DOCK2: variants seen among roughly 807,000 people sequenced by gnomAD.
DOCK2 encodes the protein dedicator of cytokinesis protein 2.
Under a neutral mutation model 248.9 loss-of-function variants are expected in DOCK2, and 87 were observed. The observed-to-expected ratio is 0.35, with a 90% CI of 0.29 to 0.42. DOCK2 has a LOEUF of 0.42. Ranked by LOEUF, DOCK2 falls within the 10% of genes least tolerant of loss-of-function variation. DOCK2 has a pLI of 1.00. For synonymous variants in DOCK2, 805 were observed against 821.6 expected, an observed-to-expected ratio of 0.98 and a Z score of 0.35; for missense variants, 1,747 against 2,300.2, an observed-to-expected ratio of 0.76 and a Z score of 4.92.
At chr5:169,813,085 G>A (rs147755520) in intron 26 of DOCK2, among the ~76,000 whole-genome samples, 1 of 152,362 alleles carries the variant, frequency 6.6e-6, no homozygotes, top group East Asian at 1.9e-4. Context: ...GGGAATTCCA[G>A]AACTTCAGGG....
intron 27 of DOCK2, among the ~76,000 whole-genome samples, chr5:169,955,212 G>A (rs1195544927): frequency 2.0e-5 from 3 of 152,204 alleles, no homozygotes; most frequent in African/African-American, 7.2e-5. Flanking sequence ...GGTTCAGAGT[G>A]GTCCTGCAGG....
chr5:170,034,455 T>C lies in DOCK2; in HGVS notation c.3524T>C (p.Val1175Ala). ...ATTGCCAAGTCGGTGGAGAACTTCG[T>C]GAACCTGGTCAAAGGCCTCCTGGAG... is the stretch of plus-strand genomic sequence containing the variant. The part of the protein sequence containing the change: ...PTIAKSVENF[V>A]NLVKGLLEKL... Residue 1175 changes from valine (V) to alanine (A), a missense_variant, in exon 35 of 52, where the codon GTG (valine) becomes GCG (alanine). By Grantham distance (64) the Val-to-Ala change is moderately conservative. Coordinates refer to ENST00000520908, the MANE Select transcript of DOCK2 (RefSeq NM_004946.3). The C allele has an allele frequency of 6.2e-7, 1 of 1,614,138 alleles. No homozygotes were observed. Among genetic ancestry groups the C allele is most frequent in the Non-Finnish European group, 8.5e-7 (1 of 1,180,016 alleles).
chr5:170,024,331 A>T lies in DOCK2; in HGVS notation c.3382-3532A>T, dbSNP rs1180394732. ...TGGGGGTAAGGACTGTTGCAGCATC[A>T]TGATGGAGTGTATGTTTGGGAGAGC... On this transcript the variant is annotated intron_variant, in intron 33 of 51. Transcript: ENST00000520908. Among the ~76,000 whole-genome samples the T allele has an allele frequency of 2.7e-5, 4 of 147,228 alleles. No homozygotes were observed. The East Asian group carries it at 8.3e-4, about 30-fold the overall frequency.
intron 27 of DOCK2, among the ~76,000 whole-genome samples, chr5:169,958,093 T>C (rs1465004217): frequency 6.6e-6 from 1 of 152,004 alleles, no homozygotes; most frequent in Non-Finnish European, 1.5e-5. Context: ...CAAACATGAG[T>C]GCAAGTGTGA....
chr5:170,063,586 T>C (rs1191187855), intron 44 of DOCK2, among the ~76,000 whole-genome samples: 1 of 152,074 alleles, frequency 6.6e-6, no homozygotes, highest in Non-Finnish European at 1.5e-5. Context: ...GAGCCAGAGG[T>C]TGGCACTTCA....
Position 170,077,755 on chromosome 5 carries a change from C to A in DOCK2, c.4912C>A (p.Arg1638Ser). 3.1e-6 allele frequency: 5 copies of A among 1,613,928 alleles called. No individual in the cohort carries two copies. The highest frequency in any genetic ancestry group is 4.2e-6 in the Non-Finnish European group (5 of 1,179,976). Residue 1638 changes from arginine (R) to serine (S), a missense_variant, in exon 48 of 52, where the codon CGC (arginine) becomes AGC (serine). By Grantham distance (110) the Arg-to-Ser change is moderately radical. Coordinates refer to ENST00000520908, the MANE Select transcript of DOCK2 (RefSeq NM_004946.3). ...RRVGRPRSMLRSYRQMSIISL... is the reference protein window; with the variant it reads ...RRVGRPRSMLSSYRQMSIISL... ...AGTGGGCCGTCCCAGGTCTATGCTG[C>A]GCTCATACAGACAGATGTCCATCAT...
chr5:169,695,242 C>A, intron 9 of DOCK2: 1 of 152,924 alleles, frequency 6.5e-6, no homozygotes. Flanking sequence ...CCCCACCCCT[C>A]TGCATTGGCC....
chr5:170,066,076 C>T (rs1390349514), intron 44 of DOCK2, among the ~76,000 whole-genome samples: 5 of 151,608 alleles, frequency 3.3e-5, no homozygotes, highest in South Asian at 2.1e-4. Flanking sequence ...CTCAGCCTCC[C>T]GAGTAACTGG....
At chr5:170,055,200 T>C in intron 41 of DOCK2, 105 bp from the exon 42 acceptor site, 1 of 1,044,944 alleles carries the variant, frequency 9.6e-7, no homozygotes, top group Non-Finnish European at 1.5e-6. Context: ...TCAGTAAAAA[T>C]GTGGCCCCAT....
intron 27 of DOCK2, among the ~76,000 whole-genome samples, chr5:169,943,049 T>G (rs1776302624): frequency 6.6e-6 from 1 of 152,228 alleles, no homozygotes; most frequent in Non-Finnish European, 1.5e-5. Context: ...TGTGTTGGGC[T>G]GGGCTGGAGG....
intron 26 of DOCK2, among the ~76,000 whole-genome samples, chr5:169,812,542 C>T (rs1399222104): frequency 3.9e-5 from 6 of 152,182 alleles, no homozygotes; most frequent in Non-Finnish European, 7.4e-5. Context: ...AAATTGTCTT[C>T]CATGAAACTG....
intron 30 of DOCK2, among the ~76,000 whole-genome samples, chr5:170,004,755 A>C (rs1384362519): frequency 1.4e-5 from 2 of 147,978 alleles, no homozygotes; most frequent in Non-Finnish European, 3.0e-5. Flanking sequence ...TGATGAGTTC[A>C]TGTCCTTTGT....
At chr5:170,036,388 T>C in intron 35 of DOCK2, 127 bp from the exon 36 acceptor site, 2 of 941,078 alleles carry the variant, frequency 2.1e-6, no homozygotes, top group Non-Finnish European at 3.2e-6. Flanking sequence ...AAAATAAGTT[T>C]CTTATTCCTA....
intron 27 of DOCK2, 150 bp from the exon 28 acceptor site, chr5:169,982,918 T>C: frequency 1.5e-6 from 1 of 686,086 alleles, no homozygotes; most frequent in South Asian, 1.8e-5. Context: ...GTTATGTTTA[T>C]GTTCGGCACT....
intron 26 of DOCK2, among the ~76,000 whole-genome samples, chr5:169,809,037 G>A (rs899758801): frequency 3.9e-5 from 6 of 151,976 alleles, no homozygotes; most frequent in Non-Finnish European, 8.8e-5. Flanking sequence ...TGTTGCCCAG[G>A]CTGGAGTGCA....
chr5:169,846,233 GATT>G (rs1770294446), intron 27 of DOCK2, among the ~76,000 whole-genome samples: 1 of 152,126 alleles, frequency 6.6e-6, no homozygotes, highest in South Asian at 2.1e-4. Context: ...TCTTATACGG[GATT>G]AGTGACAGTT....
chr5:170,033,238 G>C (rs371637658), intron 34 of DOCK2, among the ~76,000 whole-genome samples: 1 of 152,336 alleles, frequency 6.6e-6, no homozygotes, highest in African/African-American at 2.4e-5. Context: ...CTGCCAGACA[G>C]TAGGTGTGGT....
chr5:169,851,199 A>G (rs1044133804), intron 27 of DOCK2, among the ~76,000 whole-genome samples: 2 of 152,246 alleles, frequency 1.3e-5, no homozygotes. Flanking sequence ...CAAGCTTTAC[A>G]AAGTTCAATT....
At chr5:169,776,510 G>A (rs1449664565) in intron 25 of DOCK2, among the ~76,000 whole-genome samples, 1 of 152,050 alleles carries the variant, frequency 6.6e-6, no homozygotes, top group Non-Finnish European at 1.5e-5. Flanking sequence ...TGCATGCTGT[G>A]TAATCTGATT....
Sources: allele counts gnomAD v4.1 joint callset (sites outside exome capture counted in the v4.1 genomes callset), GRCh38; gene constraint gnomAD v4.1.1; transcripts MANE v1.5; gene names NCBI Gene and HGNC (gene_info 2026-07-23, HGNC 2026-07-21).